ITPR2: variants seen among roughly 807,000 people sequenced by gnomAD.
The protein encoded by ITPR2 is inositol 1,4,5-trisphosphate-gated calcium channel ITPR2.
In ITPR2, 207 loss-of-function variants were observed where a neutral mutation model predicts 317.1. The ratio of observed to expected loss-of-function variants is 0.65; its 90% confidence interval spans 0.58 to 0.73. ITPR2 has a LOEUF of 0.73. ITPR2 is among the 30% of genes least tolerant of loss of function. The pLI is 0.00. For synonymous variants in ITPR2, 1,156 were observed against 1,149.1 expected (o/e 1.01, Z -0.12); for missense variants, 2,613 against 3,284.0 (o/e 0.80, Z 4.99).
At chr12:26,602,256 G>T (rs1591949860) in intron 28 of ITPR2, 114 bp downstream of exon 28, 2 of 1,126,836 alleles carry the variant, frequency 1.8e-6, no homozygotes, top group East Asian at 5.1e-5. Flanking sequence ...GGGGCACCTG[G>T]TGGGTGATTT....
intron 21 of ITPR2, among the ~76,000 whole-genome samples, chr12:26,640,363 TA>T (rs1227415116): frequency 6.6e-6 from 1 of 151,346 alleles, no homozygotes; most frequent in Admixed American, 6.6e-5. Flanking sequence ...TCCCAGAACT[TA>T]AAAAAAAATT....
rs529882239 is a variant in ITPR2 at position 26,383,897 on chromosome 12, G to T, written c.7857+3537C>A. On this transcript the variant is annotated intron_variant, in intron 55 of 56. Transcript: ENST00000381340. ...ATAAACAGTGTAGCAGGATTCAGAT[G>T]AGTTGTTTTGTGAACTAATATGAGG... Among the ~76,000 whole-genome samples the T allele has an allele frequency of 8.6e-5, 13 of 151,456 alleles. No homozygotes were observed. In the South Asian group the frequency reaches 2.3e-3, roughly 27 times the overall value.
intron 55 of ITPR2, among the ~76,000 whole-genome samples, chr12:26,352,429 T>A (rs1221639833): frequency 6.6e-6 from 1 of 152,244 alleles, no homozygotes; most frequent in Non-Finnish European, 1.5e-5. Flanking sequence ...AATCTGCTCA[T>A]ACTGAGTCTG....
intron 49 of ITPR2, among the ~76,000 whole-genome samples, chr12:26,425,287 AT>A (rs1941023622): frequency 1.3e-5 from 2 of 152,060 alleles, no homozygotes; most frequent in South Asian, 4.1e-4. Flanking sequence ...TATAGATAAA[AT>A]TTTTTGTCAA....
chr12:26,414,088 A>ACACACACACAC (rs1940645837), intron 51 of ITPR2, among the ~76,000 whole-genome samples: 123 of 72,628 alleles, frequency 1.7e-3, no homozygotes, highest in African/African-American at 5.3e-3. Context: ...CACACACACA[A>ACACACACACAC]ACACAAGTCC....
chr12:26,553,886 T>C (rs1219628818), intron 36 of ITPR2, among the ~76,000 whole-genome samples: 1 of 152,084 alleles, frequency 6.6e-6, no homozygotes, highest in African/African-American at 2.4e-5. Flanking sequence ...GTTGGGGAAG[T>C]GGTAGGGTGA....
chr12:26,589,202 GTC>G (rs1175979449), intron 32 of ITPR2, among the ~76,000 whole-genome samples: 2 of 152,132 alleles, frequency 1.3e-5, no homozygotes, highest in Non-Finnish European at 2.9e-5. Context: ...CATGGATACT[GTC>G]TCTGTCAGGA....
chr12:26,691,768 C>T (rs2136981901), intron 10 of ITPR2, among the ~76,000 whole-genome samples: 1 of 152,036 alleles, frequency 6.6e-6, no homozygotes, highest in South Asian at 2.1e-4. Flanking sequence ...TGTTGGGAGC[C>T]AGAGACATTC....
chr12:26,339,336 C>A lies in ITPR2; in HGVS notation c.*61G>T. ...CTGTTCACTCCCCTCCATCTCAGTT[C>A]TTTATTCAGTGATCAGGCAGGACAC... On this transcript the variant is annotated 3_prime_UTR_variant, in exon 57 of 57. Coordinates refer to ENST00000381340, the MANE Select transcript of ITPR2 (RefSeq NM_002223.4). 1 of 1,426,610 alleles carries A rather than the reference C, an allele frequency of 7.0e-7. No homozygotes were observed. Among genetic ancestry groups the A allele is most frequent in the Non-Finnish European group, 9.9e-7 (1 of 1,013,058 alleles). 88.4% of individuals were successfully genotyped at this position (1,426,610 alleles called of 1,614,324 possible). A position where few individuals can be genotyped will look rare whatever the true frequency, so the allele number is the denominator to read the frequency against.
rs147890502 is a variant in ITPR2 at position 26,586,806 on chromosome 12, G to C, written c.4381-6651C>G. Among the ~76,000 whole-genome samples, 831 of 152,052 alleles carry C rather than the reference G, an allele frequency of 5.5e-3. 9 individuals carry two copies. Among genetic ancestry groups the C allele is most frequent in the African/African-American group, 0.019 (774 of 41,478 alleles). ...GAGTTTCTATTACTAATAATCCAAG[G>C]GTGGGTAAAATACAGCACATGCATC... On this transcript the variant is annotated intron_variant, in intron 32 of 56. Coordinates refer to ENST00000381340, the MANE Select transcript of ITPR2 (RefSeq NM_002223.4).
chr12:26,553,544 T>C (rs1173834712), intron 36 of ITPR2, among the ~76,000 whole-genome samples: 1 of 152,070 alleles, frequency 6.6e-6, no homozygotes, highest in Non-Finnish European at 1.5e-5. Flanking sequence ...CCCAGCACTT[T>C]GGGAGGCCGA....
At chr12:26,487,318 CTAAACATAAGCATTA>C (rs1942695269) in intron 39 of ITPR2, 67 bp from the exon 40 acceptor site, 1 of 1,170,818 alleles carries the variant, frequency 8.5e-7, no homozygotes, top group African/African-American at 1.5e-5. Context: ...TATGCTTGAA[CTAAACATAAGCATTA>C]TAGGCAAAAG....
intron 52 of ITPR2, among the ~76,000 whole-genome samples, chr12:26,408,867 T>C (rs1591997598): frequency 6.6e-6 from 1 of 152,272 alleles, no homozygotes; most frequent in East Asian, 1.9e-4. Context: ...AATAAAATAT[T>C]TGTGTTAATA....
chr12:26,339,419 T>A lies in ITPR2; in HGVS notation c.8084A>T (p.Asn2695Ile). 3 of 1,613,492 alleles carry A rather than the reference T, an allele frequency of 1.9e-6. No individual in the cohort carries two copies. The highest frequency in any genetic ancestry group is 2.5e-6 in the Non-Finnish European group (3 of 1,179,454). ...GTATCAGTGTGGTGGCATGTGATGATTCACATGGGGTGTGTTTGATCCGAG... is the reference window on the plus strand; with the variant it reads ...GTATCAGTGTGGTGGCATGTGATGAATCACATGGGGTGTGTTTGATCCGAG... Reference protein sequence around the residue: ...GFLGSNTPHVNHHMPPH With the variant: ...GFLGSNTPHVIHHMPPH The change falls in exon 57 of 57, where the codon AAT becomes ATT. Residue 2695 changes from asparagine (N) to isoleucine (I), a missense_variant. This residue lies in a region of ITPR2 where 119 missense variants were observed against 144.3 expected (regional missense o/e 0.82). Coordinates refer to ENST00000381340, the MANE Select transcript of ITPR2 (RefSeq NM_002223.4).
chr12:26,350,761 A>G (rs1938453985), intron 55 of ITPR2, among the ~76,000 whole-genome samples: 1 of 151,910 alleles, frequency 6.6e-6, no homozygotes, highest in African/African-American at 2.4e-5. Context: ...CCCTCTTAGA[A>G]ACTTTCTGAC....
At chr12:26,661,261 T>C (rs1327580550) in intron 15 of ITPR2, among the ~76,000 whole-genome samples, 1 of 10,970 alleles carries the variant, frequency 9.1e-5, no homozygotes, top group African/African-American at 3.4e-4. Flanking sequence ...TATGACTAGG[T>C]AGGGGTGTGT....
intron 55 of ITPR2, among the ~76,000 whole-genome samples, chr12:26,361,929 T>C (rs934311455): frequency 6.6e-6 from 1 of 152,226 alleles, no homozygotes; most frequent in South Asian, 2.1e-4. Context: ...GCTGATGCAA[T>C]GTATGGTGTA....
chr12:26,376,780 C>T (rs556584173), intron 55 of ITPR2, among the ~76,000 whole-genome samples: 29 of 151,764 alleles, frequency 1.9e-4, no homozygotes, highest in Admixed American at 1.5e-3. Flanking sequence ...CACTTGGTCA[C>T]GCAGGCCTGA....
chr12:26,587,202 A>G (rs1945550954), intron 32 of ITPR2, among the ~76,000 whole-genome samples: 1 of 150,642 alleles, frequency 6.6e-6, no homozygotes, highest in African/African-American at 2.4e-5. Flanking sequence ...TGTGTGAGAC[A>G]TTGTTCTAGG....
Sources: gnomAD v4.1 joint callset for allele counts (sites outside exome capture counted in the v4.1 genomes callset) on GRCh38, gnomAD v4.1.1 for gene constraint, gnomAD v4.1.1 regional missense constraint, MANE v1.5 for transcripts, NCBI Gene and HGNC (gene_info 2026-07-23, HGNC 2026-07-21) for gene names.